Variants in PTGER4 observed in about 807,000 individuals in gnomAD.
PTGER4 encodes the protein prostaglandin E2 receptor EP4 subtype.
A neutral mutation model predicts 33.2 loss-of-function variants in PTGER4; 11 were observed. The observed-to-expected ratio is 0.33, with a 90% CI of 0.21 to 0.55. PTGER4 has a LOEUF of 0.55. PTGER4 is among the 20% of genes least tolerant of loss of function. PTGER4 has a pLI of 0.92. For missense variants in PTGER4, 481 were observed against 650.2 expected, an observed-to-expected ratio of 0.74 and a Z score of 2.83; for synonymous variants, 275 against 281.5, an observed-to-expected ratio of 0.98 and a Z score of 0.23.
the PTGER4 span, among the ~76,000 whole-genome samples, chr5:40,708,662 A>G: frequency 1.3e-5 from 2 of 152,168 alleles, no homozygotes; most frequent in Non-Finnish European, 2.9e-5. Context: ...AAAAGAGGGA[A>G]TCCTCCCTAA....
At chr5:40,682,858 G>A (rs906172670) in intron 2 of PTGER4, among the ~76,000 whole-genome samples, 9 of 152,196 alleles carry the variant, frequency 5.9e-5, no homozygotes, top group Non-Finnish European at 5.9e-5. Flanking sequence ...TTTGTAAAGC[G>A]TGGGTTGGAG....
At chr5:40,745,558 T>C in the PTGER4 span, among the ~76,000 whole-genome samples, 1 of 151,804 alleles carries the variant, frequency 6.6e-6, no homozygotes, top group Admixed American at 6.6e-5. Flanking sequence ...AGCGTCTCAC[T>C]CTGTCACCCA....
the PTGER4 span, among the ~76,000 whole-genome samples, chr5:40,699,684 T>C: frequency 6.6e-6 from 1 of 152,138 alleles, no homozygotes; most frequent in African/African-American, 2.4e-5. Flanking sequence ...GAAATGCAGT[T>C]GATTTAGTAT....
chr5:40,682,779 T>A (rs1172082923), intron 2 of PTGER4, among the ~76,000 whole-genome samples: 2 of 152,230 alleles, frequency 1.3e-5, no homozygotes, highest in African/African-American at 2.4e-5. Context: ...CCTTAGGCCG[T>A]CTGAGGCCAG....
In PTGER4 at chr5:40,692,598, G is replaced by A. The variant is rs1420037642; in HGVS notation, c.*220G>A. 4.6e-6 allele frequency: 6 copies of A among 1,308,862 alleles called. No individual in the cohort carries two copies. In the East Asian group the frequency reaches 9.2e-5, roughly 20 times the overall value. 81.1% of individuals were successfully genotyped at this position (1,308,862 alleles called of 1,614,324 possible). A position where few individuals can be genotyped will look rare whatever the true frequency, so the allele number is the denominator to read the frequency against. ...CGGATGCTACCCCACTATGACAGAG[G>A]ATTGTGGTCACAACTTGATGGCTGC... is the stretch of plus-strand genomic sequence containing the variant. On this transcript the variant is annotated 3_prime_UTR_variant, in exon 3 of 3. Coordinates refer to ENST00000302472, the MANE Select transcript of PTGER4 (RefSeq NM_000958.3).
chr5:40,705,552 G>A, the PTGER4 span, among the ~76,000 whole-genome samples: 1 of 152,168 alleles, frequency 6.6e-6, no homozygotes, highest in Non-Finnish European at 1.5e-5. Flanking sequence ...TAAAGAATGG[G>A]AGAAAACATT....
the PTGER4 span, among the ~76,000 whole-genome samples, chr5:40,707,900 T>C: frequency 6.6e-6 from 1 of 152,108 alleles, no homozygotes; most frequent in African/African-American, 2.4e-5. Flanking sequence ...CTCAACTACA[T>C]GGAAACCAAA....
At chr5:40,713,227 T>C in the PTGER4 span, among the ~76,000 whole-genome samples, 1 of 152,170 alleles carries the variant, frequency 6.6e-6, no homozygotes, top group African/African-American at 2.4e-5. Context: ...TCAGAATTGC[T>C]GGTCCAGAGT....
At chr5:40,723,264 C>T in the PTGER4 span, among the ~76,000 whole-genome samples, 1 of 151,910 alleles carries the variant, frequency 6.6e-6, no homozygotes, top group African/African-American at 2.4e-5. Flanking sequence ...TCACCACTCC[C>T]TAATCTCAAG....
At chr5:40,697,174 G>A (rs9763886), downstream of PTGER4, among the ~76,000 whole-genome samples, 167 of 130,350 alleles carry the variant, frequency 1.3e-3, 1 homozygote, top group African/African-American at 2.2e-3. Flanking sequence ...AGAAAGAAAG[G>A]AAGAAAAATT....
intron 2 of PTGER4, among the ~76,000 whole-genome samples, chr5:40,686,148 A>G (rs1289528338): frequency 1.3e-5 from 2 of 152,212 alleles, no homozygotes; most frequent in African/African-American, 4.8e-5. Context: ...GACTCTTAAC[A>G]AGGCAGTGGG....
At chr5:40,730,421 G>T in the PTGER4 span, 1 of 1,159,832 alleles carries the variant, frequency 8.6e-7, no homozygotes, top group Non-Finnish European at 1.3e-6. Context: ...TTTTATTGTA[G>T]TAAAATATAA....
In PTGER4 at chr5:40,681,344, C is replaced by G. The variant is rs780677805; in HGVS notation, c.351C>G (p.Arg117=). 1 of 1,614,210 alleles carries G rather than the reference C, an allele frequency of 6.2e-7. No individual in the cohort carries two copies. The highest frequency in any genetic ancestry group is 8.5e-7 in the Non-Finnish European group (1 of 1,180,042). Residue 117 remains arginine, a synonymous_variant, in exon 2 of 3, where the codon CGC becomes CGG. Coordinates refer to ENST00000302472, the MANE Select transcript of PTGER4 (RefSeq NM_000958.3). The surrounding 1 kb of genome is among the most constrained non-coding windows in gnomAD (Gnocchi z 9.8). The stretch of plus-strand genomic sequence containing the variant: ...TCATCTGCGCCATGAGTGTCGAGCG[C>G]TACCTGGCCATCAACCATGCCTATT... The part of the protein sequence containing the change: ...LSIICAMSVE[R]YLAINHAYFY...
chr5:40,729,578 C>G, the PTGER4 span, among the ~76,000 whole-genome samples: 2 of 152,132 alleles, frequency 1.3e-5, no homozygotes, highest in African/African-American at 4.8e-5. Flanking sequence ...CATCTAGAAC[C>G]CAATCCATCC....
At position 40,680,766 on chromosome 5, in the gene PTGER4, T is replaced by G. The variant is rs1335534023; in HGVS notation, c.-43-185T>G. ...ATTAATGTCAGCAAGAGTGTGCTGTTGGCAGGACGTATCGCGAGCCTGGAG... is the reference window on the plus strand; with the variant it reads ...ATTAATGTCAGCAAGAGTGTGCTGTGGGCAGGACGTATCGCGAGCCTGGAG... On this transcript the variant is annotated intron_variant, in intron 1 of 2. Coordinates refer to ENST00000302472, the MANE Select transcript of PTGER4 (RefSeq NM_000958.3). This position sits in a 1 kb window ranked among gnomAD's most constrained non-coding sequence, Gnocchi z 5.5. Among the ~76,000 whole-genome samples the G allele has an allele frequency of 6.6e-6, 1 of 152,174 alleles. No homozygotes were observed. Among genetic ancestry groups the G allele is most frequent in the East Asian group, 1.9e-4 (1 of 5,198 alleles).
Position 40,681,701 on chromosome 5 carries a change from T to G in PTGER4, c.708T>G (p.Val236=), listed in dbSNP as rs1452562797. 1 of 1,581,718 alleles carries G rather than the reference T, an allele frequency of 6.3e-7. No individual in the cohort carries two copies. The change falls in exon 2 of 3, where the codon GTT becomes GTG. Residue 236 remains valine (V), a synonymous_variant. Coordinates refer to ENST00000302472, the MANE Select transcript of PTGER4 (RefSeq NM_000958.3). The surrounding 1 kb of genome is among the most constrained non-coding windows in gnomAD (Gnocchi z 9.8). ...EQHHAAAAAS[V]ASRGHPAASP... is the part of the protein sequence containing the mutation. ...ACCACGCGGCCGCGGCCGCCTCGGT[T>G]GCCTCCCGGGGCCACCCCGCTGCCT...
chr5:40,728,541 A>G, the PTGER4 span: 15 of 1,431,878 alleles, frequency 1.0e-5, no homozygotes, highest in Middle Eastern at 1.8e-4. Flanking sequence ...TACATAAAAA[A>G]CCCTTTTCAT....
At chr5:40,721,263 C>T in the PTGER4 span, among the ~76,000 whole-genome samples, 1 of 152,098 alleles carries the variant, frequency 6.6e-6, no homozygotes, top group Non-Finnish European at 1.5e-5. Context: ...TTGCTATCAC[C>T]CCTTCCCTGA....
At chr5:40,734,878 G>T in the PTGER4 span, among the ~76,000 whole-genome samples, 1 of 152,204 alleles carries the variant, frequency 6.6e-6, no homozygotes, top group Non-Finnish European at 1.5e-5. Context: ...AAATATAAGT[G>T]CCGTGATAAA....
Sources: gnomAD v4.1 joint callset for allele counts (sites outside exome capture counted in the v4.1 genomes callset) on GRCh38, gnomAD v4.1.1 for gene constraint, Gnocchi (gnomAD v3.1) non-coding constraint, MANE v1.5 for transcripts, NCBI Gene and HGNC (gene_info 2026-07-23, HGNC 2026-07-21) for gene names.